Variants in CCDC81 observed in about 807,000 individuals in gnomAD.
CCDC81 encodes the protein coiled-coil domain containing 81.
In CCDC81, 79 loss-of-function variants were observed where a neutral mutation model predicts 83.7. The ratio of observed to expected loss-of-function variants is 0.94; its 90% CI spans 0.79 to 1.14. The LOEUF (loss-of-function observed/expected upper bound fraction) is 1.14. Ranked by LOEUF, CCDC81 falls within the 50% of genes most tolerant of loss-of-function variation. The pLI is 0.00. For missense variants in CCDC81, 791 were observed against 778.1 expected (o/e 1.02, Z -0.20); for synonymous variants, 252 against 278.1 (o/e 0.91, Z 0.93).
chr11:86,386,170 G>T (rs1185356834), intron 2 of CCDC81, 58 bp downstream of exon 2: 5 of 580,156 alleles, frequency 8.6e-6, no homozygotes. Context: ...TTTAATGTAG[G>T]CATCTAAAGG....
intron 1 of CCDC81, among the ~76,000 whole-genome samples, chr11:86,381,460 G>A (rs1948175741): frequency 1.3e-5 from 2 of 152,078 alleles, no homozygotes; most frequent in Non-Finnish European, 2.9e-5. Flanking sequence ...AATATGTGGG[G>A]ACCCTCCCTC....
rs1367701198 is a variant in CCDC81, at chr11:86,422,761, T to G, written c.*46T>G. ...GTTTCCCGGGGAAAGTTTTTATCTTTTACATGTTTGGGGGTGATTGTGAAA... is the reference window on the plus strand; with the variant it reads ...GTTTCCCGGGGAAAGTTTTTATCTTGTACATGTTTGGGGGTGATTGTGAAA... On this transcript the variant is annotated 3_prime_UTR_variant, in exon 15 of 15. Transcript: ENST00000445632. The G allele has an allele frequency of 6.3e-7, 1 of 1,587,266 alleles. No individual in the cohort carries two copies. Among genetic ancestry groups the G allele is most frequent in the Admixed American group, 1.7e-5 (1 of 58,000 alleles).
chr11:86,414,774 G>A lies in CCDC81; in HGVS notation c.1392-15G>A. 1.3e-6 allele frequency: 2 copies of A among 1,593,522 alleles called. No homozygotes were observed. The highest frequency in any genetic ancestry group is 2.2e-5 in the East Asian group (1 of 44,798). On this transcript the variant is annotated splice_polypyrimidine_tract_variant and intron_variant, in intron 11 of 14. Coordinates refer to ENST00000445632, the MANE Select transcript of CCDC81 (RefSeq NM_001156474.2). The stretch of plus-strand genomic sequence containing the variant: ...GCAAAACTGTGGTCCATCTTCTCTT[G>A]TTCTTAACTGCCAGACTTGCTGCGC...
chr11:86,382,303 A>G (rs7937090), intron 1 of CCDC81, among the ~76,000 whole-genome samples: 71,132 of 151,910 alleles, frequency 0.47, 17,236 homozygotes, highest in African/African-American at 0.59. Context: ...AGCTTGGTCT[A>G]AAACTGGTAA....
chr11:86,397,271 AC>A (rs1156950254), intron 5 of CCDC81, among the ~76,000 whole-genome samples: 1 of 152,078 alleles, frequency 6.6e-6, no homozygotes, highest in East Asian at 1.9e-4. Context: ...CTATCCAACA[AC>A]CTTTTTTCCA....
intron 6 of CCDC81, 95 bp from the exon 7 acceptor site, chr11:86,400,583 G>A (rs1018988202): frequency 5.0e-6 from 6 of 1,195,750 alleles, no homozygotes; most frequent in South Asian, 4.8e-5. Context: ...ATAAGAGAGT[G>A]TATCTTATAT....
At chr11:86,379,460 T>A (rs917445928) in intron 1 of CCDC81, among the ~76,000 whole-genome samples, 2 of 152,178 alleles carry the variant, frequency 1.3e-5, no homozygotes, top group African/African-American at 4.8e-5. Context: ...TACAGTCAAT[T>A]CAAGTCCACT....
At chr11:86,409,674 C>T (rs1420030677) in intron 10 of CCDC81, among the ~76,000 whole-genome samples, 1 of 152,216 alleles carries the variant, frequency 6.6e-6, no homozygotes, top group East Asian at 1.9e-4. Flanking sequence ...TGGTCTTGAA[C>T]TCCTGGTCTC....
At chr11:86,397,124 C>T (rs1393606895) in intron 5 of CCDC81, among the ~76,000 whole-genome samples, 1 of 151,892 alleles carries the variant, frequency 6.6e-6, no homozygotes, top group Non-Finnish European at 1.5e-5. Context: ...CCCCTTCCTC[C>T]CTGCTGCAAA....
At chr11:86,406,758 T>C (rs781734186) in intron 7 of CCDC81, among the ~76,000 whole-genome samples, 55 of 152,310 alleles carry the variant, frequency 3.6e-4, no homozygotes, top group Non-Finnish European at 6.6e-4. Flanking sequence ...TGAGCTGAGA[T>C]TGCGCCATTG....
intron 14 of CCDC81, among the ~76,000 whole-genome samples, chr11:86,421,463 C>T (rs1383260201): frequency 6.6e-6 from 1 of 152,284 alleles, no homozygotes; most frequent in African/African-American, 2.4e-5. Flanking sequence ...GCGCCTGCCA[C>T]CAGGCCTGGC....
chr11:86,412,616 C>T, intron 11 of CCDC81, 57 bp downstream of exon 11: 1 of 1,441,034 alleles, frequency 6.9e-7, no homozygotes, highest in South Asian at 1.4e-5. Context: ...TGTGAAGTTA[C>T]TTTTCATGTA....
chr11:86,377,279 A>G (rs1948110305), intron 1 of CCDC81, among the ~76,000 whole-genome samples: 1 of 152,202 alleles, frequency 6.6e-6, no homozygotes, highest in Non-Finnish European at 1.5e-5. Context: ...GGTTTTAAAA[A>G]ACTGGATATA....
chr11:86,405,175 GCTT>G (rs1430450444), intron 7 of CCDC81, among the ~76,000 whole-genome samples: 3 of 151,830 alleles, frequency 2.0e-5, no homozygotes, highest in African/African-American at 7.3e-5. Context: ...ATCAATTTTT[GCTT>G]CTTAAGCAAT....
At chr11:86,397,578 T>C (rs1339773649) in intron 5 of CCDC81, 43 bp from the exon 6 acceptor site, 3 of 1,580,536 alleles carry the variant, frequency 1.9e-6, no homozygotes, top group Non-Finnish European at 2.6e-6. Context: ...CAGTTACCTG[T>C]TCAGGTTCAG....
At chr11:86,407,104 CTT>C (rs1191449756) in intron 7 of CCDC81, among the ~76,000 whole-genome samples, 1 of 152,204 alleles carries the variant, frequency 6.6e-6, no homozygotes, top group Non-Finnish European at 1.5e-5. Flanking sequence ...TGGCCATTCT[CTT>C]TACAGTTTAA....
chr11:86,409,852 A>G (rs898840187), intron 10 of CCDC81, among the ~76,000 whole-genome samples: 14 of 152,292 alleles, frequency 9.2e-5, no homozygotes, highest in African/African-American at 3.4e-4. Flanking sequence ...CACACCACTC[A>G]CATTCACTGT....
At chr11:86,384,683 C>T (rs201546880) in intron 1 of CCDC81, among the ~76,000 whole-genome samples, 1 of 152,134 alleles carries the variant, frequency 6.6e-6, no homozygotes. Flanking sequence ...AAGGATTGGG[C>T]TTTTGTCACC....
chr11:86,414,711 A>G, intron 11 of CCDC81, 78 bp from the exon 12 acceptor site: 1 of 823,490 alleles, frequency 1.2e-6, no homozygotes, highest in Non-Finnish European at 2.0e-6. Flanking sequence ...TACTTATTAA[A>G]CATGTTTTGA....
Sources: allele counts gnomAD v4.1 joint callset (sites outside exome capture counted in the v4.1 genomes callset), GRCh38; gene constraint gnomAD v4.1.1; transcripts MANE v1.5; gene names NCBI Gene and HGNC (gene_info 2026-07-23, HGNC 2026-07-21).